Variants in CDKAL1 observed in about 807,000 individuals in gnomAD.
CDKAL1 encodes CDKAL1 threonylcarbamoyladenosine tRNA methylthiotransferase.
A neutral mutation model predicts 68.2 loss-of-function variants in CDKAL1; 32 were observed. The ratio of observed to expected loss-of-function variants is 0.47; its 90% CI spans 0.35 to 0.63. The LOEUF (loss-of-function observed/expected upper bound fraction) is 0.63. Ranked by LOEUF, CDKAL1 falls within the 30% of genes least tolerant of loss-of-function variation. The pLI is 0.00. For synonymous variants in CDKAL1, 234 were observed against 244.3 expected, an observed-to-expected ratio of 0.96 and a Z score of 0.39; for missense variants, 606 against 696.7, an observed-to-expected ratio of 0.87 and a Z score of 1.47.
intron 5 of CDKAL1, among the ~76,000 whole-genome samples, chr6:20,650,663 C>T (rs1768719203): frequency 6.6e-6 from 1 of 152,082 alleles, no homozygotes; most frequent in Non-Finnish European, 1.5e-5. Context: ...CCTAGGTTTT[C>T]TTCTTGGGTT....
intron 6 of CDKAL1, among the ~76,000 whole-genome samples, chr6:20,758,310 T>C (rs893939759): frequency 6.6e-5 from 10 of 152,210 alleles, no homozygotes; most frequent in African/African-American, 2.4e-4. Context: ...TCAGGATATG[T>C]TGAGTATATG....
At chr6:20,799,500 T>TA (rs56276554) in intron 8 of CDKAL1, among the ~76,000 whole-genome samples, 1 of 152,020 alleles carries the variant, frequency 6.6e-6, no homozygotes, top group South Asian at 2.1e-4. Flanking sequence ...AAATAATAAA[T>TA]AAGAATTTTT....
chr6:20,554,361 T>C (rs1763953821), intron 4 of CDKAL1, among the ~76,000 whole-genome samples: 1 of 152,250 alleles, frequency 6.6e-6, no homozygotes, highest in Non-Finnish European at 1.5e-5. Context: ...GATTAAACTT[T>C]TTTTCCAGTC....
At chr6:20,793,304 T>C (rs1561782765) in intron 8 of CDKAL1, among the ~76,000 whole-genome samples, 2 of 152,192 alleles carry the variant, frequency 1.3e-5, no homozygotes, top group Non-Finnish European at 2.9e-5. Flanking sequence ...TTCTCAATTA[T>C]ATGCAAAGGA....
intron 13 of CDKAL1, among the ~76,000 whole-genome samples, chr6:21,137,256 T>G (rs1007019620): frequency 6.6e-6 from 1 of 152,234 alleles, no homozygotes. Flanking sequence ...CTGCCAATTA[T>G]TTAATTTTGA....
chr6:20,620,060 A>C (rs950648685), intron 4 of CDKAL1, among the ~76,000 whole-genome samples: 11 of 152,174 alleles, frequency 7.2e-5, no homozygotes, highest in Non-Finnish European at 1.6e-4. Context: ...TTTAGAGAGA[A>C]TTTCTCAGTT....
intron 12 of CDKAL1, among the ~76,000 whole-genome samples, chr6:21,103,953 G>A (rs1455936609): frequency 6.6e-6 from 1 of 152,152 alleles, no homozygotes; most frequent in Non-Finnish European, 1.5e-5. Flanking sequence ...TAAAACTGTT[G>A]ATAGCAAGGC....
chr6:20,858,989 C>G (rs996855505), intron 9 of CDKAL1, among the ~76,000 whole-genome samples: 4 of 151,580 alleles, frequency 2.6e-5, no homozygotes. Flanking sequence ...ACTACATAAA[C>G]AAAATAAAAT....
Position 20,948,671 on chromosome 6 carries a change from A to T in CDKAL1, c.743-6748A>T, listed in dbSNP as rs1303009782. On this transcript the variant is annotated intron_variant, in intron 9 of 15. Transcript: ENST00000274695. ...TGTTGTGATTTTTAAAGATAGAATT[A>T]CACCTCTCTCGACATCCTGCTGAAA... 2.0e-5 allele frequency among the ~76,000 whole-genome samples: 3 copies of T among 152,228 alleles called. No individual in the cohort carries two copies. In the East Asian group the frequency reaches 5.8e-4, roughly 29 times the overall value.
chr6:21,128,390 C>A (rs1004357892), intron 13 of CDKAL1, among the ~76,000 whole-genome samples: 6 of 152,148 alleles, frequency 3.9e-5, no homozygotes, highest in African/African-American at 1.4e-4. Context: ...CAGGATGTAA[C>A]CACATCATAT....
chr6:20,576,047 G>A (rs535631415), intron 4 of CDKAL1, among the ~76,000 whole-genome samples: 5 of 152,290 alleles, frequency 3.3e-5, no homozygotes, highest in African/African-American at 9.6e-5. Context: ...CTTAGCTATA[G>A]ACATATATAT....
At chr6:20,900,814 A>G (rs1761924248) in intron 9 of CDKAL1, among the ~76,000 whole-genome samples, 1 of 152,234 alleles carries the variant, frequency 6.6e-6, no homozygotes, top group East Asian at 1.9e-4. Context: ...AAAAATGAAT[A>G]ACATTTCTTA....
At chr6:20,536,542 T>A (rs977621192) in intron 2 of CDKAL1, among the ~76,000 whole-genome samples, 1 of 152,238 alleles carries the variant, frequency 6.6e-6, no homozygotes, top group African/African-American at 2.4e-5. Flanking sequence ...TTATGTATAT[T>A]TGACATACAT....
intron 11 of CDKAL1, among the ~76,000 whole-genome samples, chr6:21,006,099 A>C (rs1030612548): frequency 6.6e-6 from 1 of 152,116 alleles, no homozygotes; most frequent in Non-Finnish European, 1.5e-5. Context: ...TATCTGCAAA[A>C]AGGATGCTAA....
intron 4 of CDKAL1, among the ~76,000 whole-genome samples, chr6:20,603,236 C>T (rs1231328494): frequency 6.6e-6 from 1 of 152,162 alleles, no homozygotes; most frequent in Admixed American, 6.5e-5. Context: ...TGGCTTTTGA[C>T]TTTGCTAGAG....
At chr6:21,144,754 C>A (rs1303178657) in intron 13 of CDKAL1, among the ~76,000 whole-genome samples, 3 of 151,822 alleles carry the variant, frequency 2.0e-5, no homozygotes, top group Non-Finnish European at 4.4e-5. Context: ...GAGCCATGAT[C>A]ATTATGCCTT....
chr6:21,016,562 C>A (rs1398508967), intron 11 of CDKAL1, among the ~76,000 whole-genome samples: 3 of 152,018 alleles, frequency 2.0e-5, no homozygotes, highest in African/African-American at 7.2e-5. Flanking sequence ...ACCCCCTCCT[C>A]CTTAAATCAA....
intron 11 of CDKAL1, among the ~76,000 whole-genome samples, chr6:21,056,335 G>T (rs56268013): frequency 0.19 from 28,886 of 151,730 alleles, 2,866 homozygotes; most frequent in Middle Eastern, 0.24. Flanking sequence ...GTCTATTGTT[G>T]GTATATAGGA....
At chr6:20,682,233 A>G (rs1224901084) in intron 5 of CDKAL1, among the ~76,000 whole-genome samples, 1 of 135,286 alleles carries the variant, frequency 7.4e-6, no homozygotes, top group Non-Finnish European at 1.5e-5. Context: ...GTCTGTACTT[A>G]TCTGATCTGC....
Sources: gnomAD v4.1 joint callset for allele counts (sites outside exome capture counted in the v4.1 genomes callset) on GRCh38, gnomAD v4.1.1 for gene constraint, MANE v1.5 for transcripts, NCBI Gene and HGNC (gene_info 2026-07-23, HGNC 2026-07-21) for gene names.